The following DCDC2C variants were observed in gnomAD, a reference collection of about 807,000 sequenced individuals.
DCDC2C encodes doublecortin domain containing 2C.
Under a neutral mutation model 45.0 loss-of-function variants are expected in DCDC2C, and 44 were observed. That is an observed-to-expected ratio of 0.98 (90% CI 0.77 to 1.26). The LOEUF is 1.26. DCDC2C is among the 50% of genes most tolerant of loss of function. DCDC2C has a pLI of 0.00. For synonymous variants in DCDC2C, 187 were observed against 178.8 expected (o/e 1.05, Z -0.37); for missense variants, 447 against 468.9 (o/e 0.95, Z 0.43).
intron 10 of DCDC2C, among the ~76,000 whole-genome samples, chr2:3,836,049 C>A (rs187339876): frequency 2.0e-5 from 3 of 152,242 alleles, no homozygotes; most frequent in East Asian, 3.9e-4. Context: ...CAGCCAAAAT[C>A]ATTGATTTTT....
At chr2:3,827,957 A>G (rs529857491) in intron 10 of DCDC2C, among the ~76,000 whole-genome samples, 6 of 152,086 alleles carry the variant, frequency 3.9e-5, no homozygotes, top group South Asian at 4.2e-4. Context: ...TCAGGTGACA[A>G]TTTGCCCCAG....
chr2:3,779,004 A>G (rs1347269140), intron 9 of DCDC2C, 120 bp downstream of exon 9: 8 of 1,007,124 alleles, frequency 7.9e-6, no homozygotes, highest in Non-Finnish European at 1.2e-5. Context: ...AACACAAGCC[A>G]GCGCGGAATC....
At chr2:3,765,754 G>A (rs1421462660) in intron 6 of DCDC2C, among the ~76,000 whole-genome samples, 2 of 152,166 alleles carry the variant, frequency 1.3e-5, no homozygotes, top group Non-Finnish European at 2.9e-5. Flanking sequence ...ACCTTCTGCT[G>A]ATGAAAGAAA....
chr2:3,747,704 T>C (rs1421026496), intron 4 of DCDC2C, among the ~76,000 whole-genome samples: 3 of 152,236 alleles, frequency 2.0e-5, no homozygotes, highest in African/African-American at 7.2e-5. Context: ...CCTTTCTTTA[T>C]TTGTTGATCA....
intron 10 of DCDC2C, among the ~76,000 whole-genome samples, chr2:3,827,089 C>T (rs925568233): frequency 3.9e-5 from 6 of 152,150 alleles, no homozygotes; most frequent in Non-Finnish European, 8.8e-5. Flanking sequence ...TGCTAGCTCA[C>T]GGGGAGGCAG....
chr2:3,704,725 G>T (rs1219276472), intron 1 of DCDC2C, among the ~76,000 whole-genome samples: 2 of 108,844 alleles, frequency 1.8e-5, no homozygotes, highest in Admixed American at 8.4e-5. Flanking sequence ...GAGGGGCGTG[G>T]GGGGGAGGGG....
At chr2:3,719,091 CT>C (rs962901126) in intron 2 of DCDC2C, among the ~76,000 whole-genome samples, 120 of 145,678 alleles carry the variant, frequency 8.2e-4, no homozygotes, top group Admixed American at 2.2e-3. Flanking sequence ...CAGCTGTTTC[CT>C]TTTTTTTTTT....
chr2:3,749,938 T>C (rs1296143425), intron 4 of DCDC2C, among the ~76,000 whole-genome samples: 1 of 152,166 alleles, frequency 6.6e-6, no homozygotes, highest in Non-Finnish European at 1.5e-5. Context: ...GACATTCCAG[T>C]TGAGTTTTTT....
chr2:3,741,847 T>C (rs746406409), intron 3 of DCDC2C, 73 bp from the exon 4 acceptor site: 123 of 1,421,934 alleles, frequency 8.7e-5, no homozygotes, highest in Non-Finnish European at 1.1e-4. Context: ...TGTAATTGTA[T>C]ATATATTGAA....
At chr2:3,798,391 G>C (rs1419518790) in intron 10 of DCDC2C, among the ~76,000 whole-genome samples, 1 of 151,258 alleles carries the variant, frequency 6.6e-6, no homozygotes, top group African/African-American at 2.4e-5. Flanking sequence ...ATATTGTTAT[G>C]TGTGAATTTG....
chr2:3,796,418 A>G (rs201267216), intron 10 of DCDC2C, among the ~76,000 whole-genome samples: 2 of 114,738 alleles, frequency 1.7e-5, no homozygotes, highest in African/African-American at 3.7e-5. Context: ...GAATAGGAGT[A>G]GTGAGAGAGG....
intron 4 of DCDC2C, among the ~76,000 whole-genome samples, chr2:3,746,649 TAAAC>T (rs898801773): frequency 1.2e-4 from 18 of 152,148 alleles, no homozygotes; most frequent in Admixed American, 9.8e-4. Context: ...CGGGAGGTGA[TAAAC>T]AATCAAACAA....
chr2:3,792,043 G>A lies in DCDC2C; in HGVS notation c.1065+6943G>A, dbSNP rs144500968. Among the ~76,000 whole-genome samples, 1,139 of 152,164 alleles carry A rather than the reference G, an allele frequency of 7.5e-3. 21 individuals carry two copies. Among genetic ancestry groups the A allele is most frequent in the African/African-American group, 0.026 (1,075 of 41,520 alleles). ...CAATATTATCTGTTACAGAAAATTG[G>A]TTTTAAGCAGATAGACAAAATTCTT... On this transcript the variant is annotated intron_variant, in intron 10 of 10. Transcript: ENST00000399143.
chr2:3,704,000 G>A lies in DCDC2C; in HGVS notation c.249G>A (p.Lys83=). The change falls in exon 1 of 11, where the codon AAG becomes AAA. Residue 83 remains lysine (K), a synonymous_variant. Coordinates refer to ENST00000399143, the MANE Select transcript of DCDC2C (RefSeq NM_001287444.2). This position sits in a 1 kb window ranked among gnomAD's most constrained non-coding sequence, Gnocchi z 4.4. ...TGGACGCGCTGCAGGCGGGCGGCAA[G>A]TACGTGGCGGCGGGCCGCGAGCGCT... ...LGLDALQAGG[K]YVAAGRERFK... is the part of the protein sequence containing the mutation. 4.7e-6 allele frequency: 6 copies of A among 1,289,152 alleles called. No individual in the cohort carries two copies. Among genetic ancestry groups the A allele is most frequent in the Non-Finnish European group, 4.9e-6 (5 of 1,017,796 alleles). The allele number at this position is 1,289,152 out of a possible 1,614,324, so 79.9% of individuals were successfully genotyped here.
At chr2:3,725,451 GA>G in intron 2 of DCDC2C, among the ~76,000 whole-genome samples, 1 of 106,432 alleles carries the variant, frequency 9.4e-6, no homozygotes, top group Non-Finnish European at 2.1e-5. Flanking sequence ...GACGAGCAGA[GA>G]GGGAGGAGGC....
chr2:3,833,760 A>C (rs1672006407), intron 10 of DCDC2C, among the ~76,000 whole-genome samples: 1 of 152,252 alleles, frequency 6.6e-6, no homozygotes, highest in Non-Finnish European at 1.5e-5. Flanking sequence ...AATAAATGAA[A>C]TGTATATTGA....
chr2:3,725,521 CA>C (rs1668632550), intron 2 of DCDC2C, among the ~76,000 whole-genome samples: 1 of 30,136 alleles, frequency 3.3e-5, no homozygotes, highest in South Asian at 2.7e-3. Context: ...CGGTGGATCC[CA>C]GAGGAAGACG....
chr2:3,813,979 G>C (rs992643359), intron 10 of DCDC2C, among the ~76,000 whole-genome samples: 38 of 152,218 alleles, frequency 2.5e-4, no homozygotes, highest in East Asian at 1.5e-3. Flanking sequence ...TTATTTTGCA[G>C]AGTTGTTTAT....
In DCDC2C at chr2:3,844,455, C is replaced by T. The variant is rs139993269; in HGVS notation, c.1066-2699C>T. 631 of 152,120 alleles carry T rather than the reference C, an allele frequency of 4.1e-3. 5 individuals carry two copies. Among genetic ancestry groups the T allele is most frequent in the Non-Finnish European group, 2.5e-3 (172 of 68,034 alleles). 9.4% of individuals were successfully genotyped at this position (152,120 alleles called of 1,614,324 possible). ...TCATGCCAAGAGCAGCCACCTGAGA[C>T]GCCAGAGTTGCCCATGTAGCCATGC... On this transcript the variant is annotated intron_variant, in intron 10 of 10. Transcript: ENST00000399143.
Sources: allele counts gnomAD v4.1 joint callset (sites outside exome capture counted in the v4.1 genomes callset), GRCh38; gene constraint gnomAD v4.1.1; non-coding constraint Gnocchi (gnomAD v3.1); transcripts MANE v1.5; gene names NCBI Gene and HGNC (gene_info 2026-07-23, HGNC 2026-07-21).